The following CHN1 variants were observed in gnomAD, a reference collection of about 807,000 sequenced individuals.
CHN1 encodes the protein N-chimaerin.
Under a neutral mutation model 59.5 loss-of-function variants are expected in CHN1, and 37 were observed. The observed-to-expected ratio is 0.62, with a 90% CI of 0.48 to 0.82. The LOEUF is 0.82. CHN1 is among the 40% of genes least tolerant of loss of function. CHN1 has a pLI of 0.00. For missense variants in CHN1, 469 were observed against 571.0 expected (o/e 0.82, Z 1.82); for synonymous variants, 206 against 200.4 (o/e 1.03, Z -0.24).
At chr2:174,810,394 C>T (rs1306930253) in intron 10 of CHN1, among the ~76,000 whole-genome samples, 1 of 152,142 alleles carries the variant, frequency 6.6e-6, no homozygotes, top group Non-Finnish European at 1.5e-5. Flanking sequence ...CTGGTGTTTT[C>T]AGGTCACAAA....
chr2:174,920,852 C>T, intron 3 of CHN1: 1 of 350,346 alleles, frequency 2.9e-6, no homozygotes, highest in Non-Finnish European at 5.9e-6. Flanking sequence ...TTATTATATA[C>T]TCACCATAAT....
At chr2:174,824,892 G>A (rs1685634572) in intron 7 of CHN1, among the ~76,000 whole-genome samples, 1 of 152,188 alleles carries the variant, frequency 6.6e-6, no homozygotes, top group Non-Finnish European at 1.5e-5. Context: ...TTACAGGTGT[G>A]AGCCACTGCA....
chr2:174,873,020 C>CT (rs11453791), intron 6 of CHN1, among the ~76,000 whole-genome samples: 70,225 of 147,644 alleles, frequency 0.48, 16,545 homozygotes, highest in Middle Eastern at 0.55. Context: ...CTAATATATA[C>CT]TTTTTTTTTT....
intron 11 of CHN1, among the ~76,000 whole-genome samples, chr2:174,804,221 G>A (rs1448838498): frequency 6.6e-6 from 1 of 152,010 alleles, no homozygotes; most frequent in East Asian, 1.9e-4. Context: ...GCTGGTGGAG[G>A]AGGAGCCATG....
intron 11 of CHN1, 185 bp from the exon 12 acceptor site, chr2:174,801,997 T>G: frequency 2.1e-6 from 1 of 475,014 alleles, no homozygotes; most frequent in South Asian, 2.1e-5. Context: ...GGCTCTTAGT[T>G]TCAATGTGGC....
chr2:174,927,091 C>G (rs180966367), intron 3 of CHN1, among the ~76,000 whole-genome samples: 1 of 152,024 alleles, frequency 6.6e-6, no homozygotes, highest in East Asian at 1.9e-4. Context: ...TTCCTCCTTC[C>G]CCAATATCTG....
intron 6 of CHN1, among the ~76,000 whole-genome samples, chr2:174,852,146 G>A (rs1036662365): frequency 1.3e-5 from 2 of 151,798 alleles, no homozygotes; most frequent in East Asian, 1.9e-4. Flanking sequence ...AAAATTAGCC[G>A]GGTGTGGTGG....
At chr2:174,921,027 T>C in intron 3 of CHN1, 1 of 416,382 alleles carries the variant, frequency 2.4e-6, no homozygotes, top group Non-Finnish European at 5.0e-6. Context: ...TTCCCATGAG[T>C]CTAATATGGC....
At chr2:174,884,817 C>T (rs111732661) in intron 5 of CHN1, among the ~76,000 whole-genome samples, 237 of 152,190 alleles carry the variant, frequency 1.6e-3, no homozygotes, top group African/African-American at 5.2e-3. Context: ...TCACTATTGC[C>T]TATGAGTCCT....
At chr2:174,928,635 T>C (rs1280947399) in intron 3 of CHN1, among the ~76,000 whole-genome samples, 1 of 152,208 alleles carries the variant, frequency 6.6e-6, no homozygotes, top group Non-Finnish European at 1.5e-5. Context: ...GAACCTTCGC[T>C]GGACAAGGCA....
chr2:174,894,242 T>C (rs1688141378), intron 5 of CHN1, among the ~76,000 whole-genome samples: 2 of 152,068 alleles, frequency 1.3e-5, no homozygotes, highest in Non-Finnish European at 2.9e-5. Context: ...ATCCAGAATA[T>C]ATAAAATATA....
At chr2:174,875,671 G>T in intron 6 of CHN1, 1 of 301,470 alleles carries the variant, frequency 3.3e-6, no homozygotes, top group Non-Finnish European at 4.9e-6. Context: ...GGCCTCTGAG[G>T]TAAAGAATTC....
At position 174,882,035 on chromosome 2, in the gene CHN1, C is replaced by T. The variant is rs111359061; in HGVS notation, c.261-3907G>A. On this transcript the variant is annotated intron_variant, in intron 5 of 12. Transcript: ENST00000409900. Reference sequence around the variant, plus strand: ...TTGAGGCTAAATCATTTCCCTTTGACTTTTATAAGATAATTTTCTTTTCAT... The same window carrying T: ...TTGAGGCTAAATCATTTCCCTTTGATTTTTATAAGATAATTTTCTTTTCAT... Among the ~76,000 whole-genome samples, 1,426 of 152,274 alleles carry T rather than the reference C, an allele frequency of 9.4e-3. 24 individuals carry two copies. Among genetic ancestry groups the T allele is most frequent in the African/African-American group, 0.032 (1,340 of 41,558 alleles).
chr2:174,887,844 A>G (rs1474582831), intron 5 of CHN1, among the ~76,000 whole-genome samples: 1 of 152,208 alleles, frequency 6.6e-6, no homozygotes, highest in Non-Finnish European at 1.5e-5. Context: ...AAGCGTTCTA[A>G]GTCTGACAAT....
rs962292076 is a variant in CHN1, at chr2:175,004,969, G to A, written c.-57C>T. 5.3e-5 allele frequency: 81 copies of A among 1,514,258 alleles called. No homozygotes were observed. The highest frequency in any genetic ancestry group is 6.9e-5 in the Non-Finnish European group (78 of 1,134,202). The allele number at this position is 1,514,258 out of a possible 1,614,324, so 93.8% of individuals were successfully genotyped here. A position where few individuals can be genotyped will look rare whatever the true frequency, so the allele number is the denominator to read the frequency against. ...AGGCGCTCCTCCCAGGCGGGCTAGG[G>A]ATCACCTCATCAGCCCGCCGCACCC... On this transcript the variant is annotated 5_prime_UTR_variant, in exon 1 of 13. Coordinates refer to ENST00000409900, the MANE Select transcript of CHN1 (RefSeq NM_001822.7).
chr2:174,841,311 G>A (rs1285620417), intron 7 of CHN1, among the ~76,000 whole-genome samples: 1 of 152,142 alleles, frequency 6.6e-6, no homozygotes, highest in Non-Finnish European at 1.5e-5. Context: ...CGTGCTGAGG[G>A]GCAGTGCACA....
intron 5 of CHN1, among the ~76,000 whole-genome samples, chr2:174,910,008 T>G (rs969302815): frequency 6.6e-6 from 1 of 152,358 alleles, no homozygotes; most frequent in Middle Eastern, 3.4e-3. Context: ...AAGTCTATAC[T>G]ACAACTTCAT....
chr2:174,975,633 C>G (rs1241323052), intron 1 of CHN1, among the ~76,000 whole-genome samples: 1 of 144,110 alleles, frequency 6.9e-6, no homozygotes, highest in Non-Finnish European at 1.5e-5. Flanking sequence ...AAATTTTAGC[C>G]AGGCAAAAAA....
rs954663285 is a variant in CHN1, at chr2:174,908,615, C to A, written c.260+6443G>T. 3.3e-5 allele frequency among the ~76,000 whole-genome samples: 5 copies of A among 152,178 alleles called. No individual in the cohort carries two copies. In the South Asian group the frequency reaches 1.0e-3, roughly 32 times the overall value. On this transcript the variant is annotated intron_variant, in intron 5 of 12. Transcript: ENST00000409900. The stretch of plus-strand genomic sequence containing the variant: ...TCTTCTTCGCAAAATACTTGTTTTT[C>A]ATCATATTCTACCCTTTTACTTGGT...
Sources: gnomAD v4.1 joint callset for allele counts (sites outside exome capture counted in the v4.1 genomes callset) on GRCh38, gnomAD v4.1.1 for gene constraint, MANE v1.5 for transcripts, NCBI Gene and HGNC (gene_info 2026-07-23, HGNC 2026-07-21) for gene names.